The following COP1 variants were observed in gnomAD, a reference collection of about 807,000 sequenced individuals.
The protein encoded by COP1 is COP1 E3 ubiquitin ligase, also known as E3 ubiquitin-protein ligase COP1.
Under a neutral mutation model 101.3 loss-of-function variants are expected in COP1, and 24 were observed. The ratio of observed to expected loss-of-function variants is 0.24; its 90% CI spans 0.17 to 0.33. The LOEUF (loss-of-function observed/expected upper bound fraction) is 0.33, where lower values mean the gene tolerates loss of function less well. COP1 is among the 10% of genes least tolerant of loss of function. The probability of loss-of-function intolerance (pLI) is 1.00; values close to 1 mark genes in which losing one functional copy is unlikely to be tolerated. For missense variants in COP1, 663 were observed against 906.2 expected (o/e 0.73, Z 3.45); for synonymous variants, 347 against 341.9 (o/e 1.01, Z -0.17).
chr1:175,962,285 CCA>C (rs1651469953), intron 18 of COP1, among the ~76,000 whole-genome samples: 1 of 152,078 alleles, frequency 6.6e-6, no homozygotes. Flanking sequence ...TCCCTGTACC[CCA>C]GTTACTTCCT....
intron 8 of COP1, chr1:176,133,888 A>G: frequency 2.2e-6 from 1 of 453,234 alleles, no homozygotes; most frequent in South Asian, 1.6e-5. Context: ...GCATATCAGA[A>G]CTGAATTCAA....
At chr1:176,136,945 A>G (rs1689899570) in intron 6 of COP1, among the ~76,000 whole-genome samples, 1 of 152,002 alleles carries the variant, frequency 6.6e-6, no homozygotes, top group Non-Finnish European at 1.5e-5. Flanking sequence ...GATAGGTTTC[A>G]CTATGTTGCC....
chr1:175,989,026 T>C, intron 16 of COP1: 1 of 183,830 alleles, frequency 5.4e-6, no homozygotes, highest in Non-Finnish European at 1.1e-5. Flanking sequence ...TTCTATTGCA[T>C]CAACTATGTT....
chr1:176,157,210 C>A (rs568051863), intron 5 of COP1, among the ~76,000 whole-genome samples: 1 of 151,916 alleles, frequency 6.6e-6, no homozygotes, highest in East Asian at 1.9e-4. Flanking sequence ...ATAATAACAA[C>A]AACAATAATA....
At chr1:176,152,049 G>A (rs1475942517) in intron 5 of COP1, among the ~76,000 whole-genome samples, 5 of 151,628 alleles carry the variant, frequency 3.3e-5, no homozygotes, top group Admixed American at 2.6e-4. Context: ...CTAGCACTGC[G>A]GGAAGCCAAG....
At chr1:176,059,403 CCTTTT>C (rs1258640682) in intron 11 of COP1, among the ~76,000 whole-genome samples, 2 of 152,118 alleles carry the variant, frequency 1.3e-5, no homozygotes, top group Admixed American at 6.5e-5. Flanking sequence ...ATCTTATTTT[CCTTTT>C]ATTTCTCCTT....
chr1:176,114,862 T>C (rs1685914294), intron 9 of COP1, among the ~76,000 whole-genome samples: 1 of 152,210 alleles, frequency 6.6e-6, no homozygotes, highest in African/African-American at 2.4e-5. Flanking sequence ...TTTATCAATA[T>C]TAACTGCTTG....
intron 5 of COP1, among the ~76,000 whole-genome samples, chr1:176,152,505 T>A (rs1295582870): frequency 6.6e-6 from 1 of 151,998 alleles, no homozygotes; most frequent in Non-Finnish European, 1.5e-5. Context: ...TGGAGTACAG[T>A]AGCACGATCT....
At chr1:176,096,909 C>G (rs961169374) in intron 9 of COP1, among the ~76,000 whole-genome samples, 4 of 152,144 alleles carry the variant, frequency 2.6e-5, no homozygotes, top group Non-Finnish European at 5.9e-5. Flanking sequence ...TTGTTCTAGC[C>G]TCTGCCATTT....
chr1:176,016,339 G>A (rs1431403665), intron 15 of COP1, among the ~76,000 whole-genome samples: 1 of 152,190 alleles, frequency 6.6e-6, no homozygotes, highest in African/African-American at 2.4e-5. Flanking sequence ...AAAAACCAGA[G>A]GGTGTTGTTT....
rs915278430 is a variant in COP1, at chr1:176,103,575, A to G, written c.1026+13049T>C. ...CTAATCTGAAAATCCAAAGTCCAAA[A>G]TGCTCCAATTAGCATTTCTTTTGAG... On this transcript the variant is annotated intron_variant, in intron 9 of 19. Transcript: ENST00000367669. Among the ~76,000 whole-genome samples, 44 of 152,188 alleles carry G rather than the reference A, an allele frequency of 2.9e-4. 1 individual carries two copies. The highest frequency in any genetic ancestry group is 2.5e-3 in the Admixed American group (38 of 15,274).
rs544323781 is a variant in COP1, at chr1:176,122,887, T to C, written c.969-6206A>G. On this transcript the variant is annotated intron_variant, in intron 8 of 19. Coordinates refer to ENST00000367669, the MANE Select transcript of COP1 (RefSeq NM_022457.7). Reference sequence around the variant, plus strand: ...AAAAGATGGAACAGGTCTGAGTCTATTGCTTTATCACTTTTGGAAGTAAAC... The same window carrying C: ...AAAAGATGGAACAGGTCTGAGTCTACTGCTTTATCACTTTTGGAAGTAAAC... 4.6e-5 allele frequency among the ~76,000 whole-genome samples: 7 copies of C among 152,290 alleles called. No homozygotes were observed. In the East Asian group the frequency reaches 9.6e-4, roughly 21 times the overall value.
At chr1:176,201,153 C>T (rs1194842055) in intron 1 of COP1, among the ~76,000 whole-genome samples, 3 of 152,000 alleles carry the variant, frequency 2.0e-5, no homozygotes, top group Non-Finnish European at 4.4e-5. Flanking sequence ...AGGATACTAA[C>T]CTGGTAAATA....
chr1:175,945,340 C>A (rs1000394750), intron 19 of COP1, among the ~76,000 whole-genome samples, 170 bp from the exon 20 acceptor site: 2 of 152,218 alleles, frequency 1.3e-5, no homozygotes, highest in Admixed American at 6.5e-5. Flanking sequence ...TTTTGACCTG[C>A]AGCTTAACAG....
chr1:176,032,853 G>A (rs965634683), intron 14 of COP1, among the ~76,000 whole-genome samples: 1 of 151,936 alleles, frequency 6.6e-6, no homozygotes, highest in Non-Finnish European at 1.5e-5. Context: ...AGGCCATGAT[G>A]GATGCTGATC....
rs1700958955 is a variant in COP1 at position 176,207,236 on chromosome 1, G to A, written c.-258C>T. ...GGCCGCCGCCGCCACCGCGGTCCCT[G>A]TAGCAGCCAACCCCGGCGCGCCGTG... On this transcript the variant is annotated 5_prime_UTR_variant, in exon 1 of 20. Coordinates refer to ENST00000367669, the MANE Select transcript of COP1 (RefSeq NM_022457.7). 3 of 398,724 alleles carry A rather than the reference G, an allele frequency of 7.5e-6. No individual in the cohort carries two copies. The highest frequency in any genetic ancestry group is 1.3e-5 in the Non-Finnish European group (3 of 226,490). The allele number at this position is 398,724 out of a possible 1,614,324, so 24.7% of individuals were successfully genotyped here.
intron 11 of COP1, among the ~76,000 whole-genome samples, chr1:176,047,622 G>A (rs1671739687): frequency 1.3e-5 from 2 of 152,148 alleles, no homozygotes; most frequent in African/African-American, 4.8e-5. Context: ...CTAGTGCTCT[G>A]TATCTATTAA....
intron 11 of COP1, among the ~76,000 whole-genome samples, chr1:176,061,651 A>G (rs1674864993): frequency 6.6e-6 from 1 of 152,134 alleles, no homozygotes; most frequent in African/African-American, 2.4e-5. Context: ...AAAAAGAAAA[A>G]GAAAAAATGA....
chr1:176,080,603 A>G (rs1678934106), intron 11 of COP1, among the ~76,000 whole-genome samples: 1 of 152,184 alleles, frequency 6.6e-6, no homozygotes, highest in Admixed American at 6.5e-5. Flanking sequence ...ATCCAAAGAT[A>G]TTAAGAGAAT....
Sources: allele counts gnomAD v4.1 joint callset (sites outside exome capture counted in the v4.1 genomes callset), GRCh38; gene constraint gnomAD v4.1.1; transcripts MANE v1.5; gene names NCBI Gene and HGNC (gene_info 2026-07-23, HGNC 2026-07-21).